The following ZDHHC24 variants were observed in gnomAD, a reference collection of about 807,000 sequenced individuals.
The protein encoded by ZDHHC24 is probable palmitoyltransferase ZDHHC24.
Under a neutral mutation model 23.2 loss-of-function variants are expected in ZDHHC24, and 17 were observed. The observed-to-expected ratio is 0.73, with a 90% CI of 0.50 to 1.10. The LOEUF (loss-of-function observed/expected upper bound fraction) is 1.10, where lower values mean the gene tolerates loss of function less well. ZDHHC24 is among the 50% of genes least tolerant of loss of function. The probability of loss-of-function intolerance (pLI) is 0.00; values close to 1 mark genes in which losing one functional copy is unlikely to be tolerated. For missense variants in ZDHHC24, 366 were observed against 393.0 expected, an observed-to-expected ratio of 0.93 and a Z score of 0.58; for synonymous variants, 186 against 194.5, an observed-to-expected ratio of 0.96 and a Z score of 0.36.
intron 3 of ZDHHC24, chr11:66,529,162 C>T: frequency 7.0e-7 from 1 of 1,425,664 alleles, no homozygotes; most frequent in East Asian, 2.5e-5. Flanking sequence ...GACCGAGGTG[C>T]CCAGTCTGGA....
rs755856315 is a variant in ZDHHC24 at position 66,539,480 on chromosome 11, G to GC, written c.*48dup. The GC allele has an allele frequency of 2.0e-6, 3 of 1,482,396 alleles. No homozygotes were observed. Among genetic ancestry groups the GC allele is most frequent in the African/African-American group, 2.8e-5 (2 of 70,918 alleles). 91.8% of individuals were successfully genotyped at this position (1,482,396 alleles called of 1,614,324 possible). A position where few individuals can be genotyped will look rare whatever the true frequency, so the allele number is the denominator to read the frequency against. ...TTCCTTACTGAGTCTAGGTGTGGGG[G>GC]CCCCCCTCTCACCCCTTCCTCCCTG... On this transcript the variant is annotated 3_prime_UTR_variant, in exon 3 of 3. Coordinates refer to ENST00000310442, the MANE Select transcript of ZDHHC24 (RefSeq NM_207340.3).
At chr11:66,531,723 G>A (rs544767888), downstream of ZDHHC24, 157 of 1,614,048 alleles carry the variant, frequency 9.7e-5, 2 homozygotes, top group South Asian at 1.6e-3. Flanking sequence ...AGTAACAAGG[G>A]CATCTCAGAC....
rs1454216724 is a variant in ZDHHC24 at position 66,524,274 on chromosome 11, C to T, written c.*21+2662G>A. 4.2e-5 allele frequency: 13 copies of T among 310,318 alleles called. No individual in the cohort carries two copies. The East Asian group carries it at 6.7e-4, about 16-fold the overall frequency. The allele number at this position is 310,318 out of a possible 1,614,324, so 19.2% of individuals were successfully genotyped here. On this transcript the variant is annotated intron_variant, in intron 4 of 4. Transcript: ENST00000526986. ...CAGCCTGGACAACAGAGCGAGACTC[C>T]ATCTTAAAAAAAAAAAAAATGTGTT...
chr11:66,544,422 A>T (rs1240051049), intron 1 of ZDHHC24, among the ~76,000 whole-genome samples: 1 of 152,158 alleles, frequency 6.6e-6, no homozygotes, highest in Non-Finnish European at 1.5e-5. Context: ...ATTTATTTCT[A>T]GTAAAAAGCA....
Position 66,539,536 on chromosome 11 carries a change from G to A in ZDHHC24, c.848C>T (p.Ala283Val), listed in dbSNP as rs1444806318. 2.6e-6 allele frequency: 4 copies of A among 1,564,290 alleles called. No homozygotes were observed. In the South Asian group the frequency reaches 4.8e-5, roughly 19 times the overall value. Residue 283 changes from alanine (A) to valine (V), a missense_variant, in exon 3 of 3, where the codon GCC becomes GTC. Transcript: ENST00000310442. ...CTCTGGCTCTTCCTGGAGTCAGGAG[G>A]CTGTGTGTCCCACATCTGCTGTGGT... is the stretch of plus-strand genomic sequence containing the variant. The part of the protein sequence containing the change: ...FQTTADVGHT[A>V]S
chr11:66,528,178 T>C (rs1856603388), intron 3 of ZDHHC24, among the ~76,000 whole-genome samples: 1 of 152,154 alleles, frequency 6.6e-6, no homozygotes, highest in African/African-American at 2.4e-5. Flanking sequence ...ATCACGCCAC[T>C]GCACTCCAGC....
In ZDHHC24 at chr11:66,537,838, G is replaced by A. The variant is rs1475360245; in HGVS notation, c.*1691C>T. On this transcript the variant is annotated 3_prime_UTR_variant, in exon 3 of 3. Coordinates refer to ENST00000310442, the MANE Select transcript of ZDHHC24 (RefSeq NM_207340.3). The stretch of plus-strand genomic sequence containing the variant: ...AGCTACTTGAGAGGCTGAGGCAGGA[G>A]AATGGCGTGAACCCAGAAGGCGGAG... The A allele has an allele frequency of 2.0e-5, 3 of 151,790 alleles. No homozygotes were observed. Among genetic ancestry groups the A allele is most frequent in the African/African-American group, 7.2e-5 (3 of 41,380 alleles). The allele number at this position is 151,790 out of a possible 1,614,324, so 9.4% of individuals were successfully genotyped here.
At chr11:66,530,068 G>T in intron 2 of ZDHHC24, 1 of 1,439,670 alleles carries the variant, frequency 6.9e-7, no homozygotes, top group Non-Finnish European at 9.4e-7. Flanking sequence ...CTCAGCCCGT[G>T]CTCCCCATCA....
Position 66,545,851 on chromosome 11 carries a change from C to G in ZDHHC24, c.153G>C (p.Arg51=), listed in dbSNP as rs1015171790. 3 of 1,556,362 alleles carry G rather than the reference C, an allele frequency of 1.9e-6. No homozygotes were observed. The highest frequency in any genetic ancestry group is 2.6e-6 in the Non-Finnish European group (3 of 1,156,984). Residue 51 remains arginine, a synonymous_variant, in exon 1 of 3, where the codon CGG becomes CGC. Transcript: ENST00000310442. The surrounding 1 kb of genome is among the most constrained non-coding windows in gnomAD (Gnocchi z 4.5). The part of the protein sequence containing the change: ...PGPPPLGPLA[R]ALQLALAAFQ... ...AGGCGGCCAGCGCCAGCTGCAAGGC[C>G]CGGGCCAGGGGTCCCAGCGGCGGCG...
At chr11:66,533,498 A>G (rs1426340811), downstream of ZDHHC24, 2 of 152,156 alleles carry the variant, frequency 1.3e-5, no homozygotes, top group African/African-American at 4.8e-5. Flanking sequence ...CCCCATCCCT[A>G]GTTATTAGGT....
intron 4 of ZDHHC24, chr11:66,521,481 T>C (rs1590762675): frequency 3.4e-6 from 3 of 881,696 alleles, no homozygotes; most frequent in Non-Finnish European, 5.5e-6. Flanking sequence ...AATTTGGAAA[T>C]GCAAAGAGCT....
intron 2 of ZDHHC24, among the ~76,000 whole-genome samples, chr11:66,543,121 C>T (rs748184140): frequency 2.6e-5 from 4 of 152,088 alleles, no homozygotes; most frequent in East Asian, 1.9e-4. Context: ...AAAGGACCAG[C>T]GAGGCTTCTA....
chr11:66,530,613 G>A (rs1033177700), intron 2 of ZDHHC24, among the ~76,000 whole-genome samples: 27 of 152,192 alleles, frequency 1.8e-4, no homozygotes, highest in African/African-American at 5.8e-4. Context: ...AGTGGGAGGT[G>A]GAACAGGCAG....
chr11:66,527,893 CAGG>C (rs1856590161), intron 3 of ZDHHC24, among the ~76,000 whole-genome samples: 1 of 152,038 alleles, frequency 6.6e-6, no homozygotes, highest in Non-Finnish European at 1.5e-5. Flanking sequence ...CCAGACAGGG[CAGG>C]GCAGGGTAAT....
rs1318932021 is a variant in ZDHHC24 at position 66,526,689 on chromosome 11, G to A, written c.*21+247C>T. 1.2e-6 allele frequency: 2 copies of A among 1,614,218 alleles called. No individual in the cohort carries two copies. The highest frequency in any genetic ancestry group is 1.7e-6 in the Non-Finnish European group (2 of 1,180,018). ...TCAAGATCCTGAAGCGTACAGCAGT[G>A]TTTGTAGAGGGAGGAAGTGAGGTGG... On this transcript the variant is annotated intron_variant, in intron 4 of 4. Transcript: ENST00000526986.
rs1034119507 is a variant in ZDHHC24, at chr11:66,537,542, T to G, written c.*1987A>C. The G allele has an allele frequency of 6.6e-6, 1 of 151,872 alleles. No individual in the cohort carries two copies. The highest frequency in any genetic ancestry group is 1.5e-5 in the Non-Finnish European group (1 of 67,974). 9.4% of individuals were successfully genotyped at this position (151,872 alleles called of 1,614,324 possible). On this transcript the variant is annotated 3_prime_UTR_variant, in exon 3 of 3. Coordinates refer to ENST00000310442, the MANE Select transcript of ZDHHC24 (RefSeq NM_207340.3). ...TCCATCCACTTTCCATCTTTGAAAA[T>G]GTCAGCCAGGCGGCCGGGCACGGTG...
rs1011463673 is a variant in ZDHHC24 at position 66,545,230 on chromosome 11, C to T, written c.281+493G>A. On this transcript the variant is annotated intron_variant, in intron 1 of 2. Coordinates refer to ENST00000310442, the MANE Select transcript of ZDHHC24 (RefSeq NM_207340.3). This position sits in a 1 kb window ranked among gnomAD's most constrained non-coding sequence, Gnocchi z 4.5. ...AATTTTTTTATATTTTTAGTAGAGA[C>T]GGGGTTTCACCACGTTGGCTAGGCT... 6.6e-6 allele frequency among the ~76,000 whole-genome samples: 1 copy of T among 152,026 alleles called. No homozygotes were observed. The highest frequency in any genetic ancestry group is 6.6e-5 in the Admixed American group (1 of 15,266).
chr11:66,539,933 C>T (rs1388702405), intron 2 of ZDHHC24, 109 bp from the exon 3 acceptor site: 2 of 1,163,262 alleles, frequency 1.7e-6, no homozygotes, highest in African/African-American at 1.6e-5. Context: ...TCAGCAAACC[C>T]TGTGTCGATA....
rs993495380 is a variant in ZDHHC24, at chr11:66,545,975, G to A, written c.29C>T (p.Thr10Met). The stretch of plus-strand genomic sequence containing the variant: ...AGGCAGCTGCGCGGGCGCCCCGTCC[G>A]TGCTCCCAGCCGCCCAGGGCTGCCC... MGQPWAAGS[T>M]DGAPAQLPLV... The change falls in exon 1 of 3, where the codon ACG (threonine) becomes ATG (methionine). Residue 10 changes from threonine (T) to methionine (M), a missense_variant. Coordinates refer to ENST00000310442, the MANE Select transcript of ZDHHC24 (RefSeq NM_207340.3). This position sits in a 1 kb window ranked among gnomAD's most constrained non-coding sequence, Gnocchi z 4.5. 7.0e-7 allele frequency: 1 copy of A among 1,420,930 alleles called. No individual in the cohort carries two copies. Among genetic ancestry groups the A allele is most frequent in the Non-Finnish European group, 9.1e-7 (1 of 1,101,820 alleles). 88.0% of individuals were successfully genotyped at this position (1,420,930 alleles called of 1,614,324 possible).
Sources: allele counts gnomAD v4.1 joint callset (sites outside exome capture counted in the v4.1 genomes callset), GRCh38; gene constraint gnomAD v4.1.1; non-coding constraint Gnocchi (gnomAD v3.1); transcripts MANE v1.5; gene names NCBI Gene and HGNC (gene_info 2026-07-23, HGNC 2026-07-21).